TBCD: variants seen among roughly 807,000 people sequenced by gnomAD.
The protein encoded by TBCD is tubulin-specific chaperone D.
A neutral mutation model predicts 169.3 loss-of-function variants in TBCD; 105 were observed. The ratio of observed to expected loss-of-function variants is 0.62; its 90% CI spans 0.53 to 0.73. The LOEUF (loss-of-function observed/expected upper bound fraction) is 0.73, where lower values mean the gene tolerates loss of function less well. Ranked by LOEUF, TBCD falls within the 30% of genes least tolerant of loss-of-function variation. The pLI, the probability that TBCD is intolerant of heterozygous loss-of-function variation, is 0.00. For synonymous variants in TBCD, 700 were observed against 643.9 expected, an observed-to-expected ratio of 1.09 and a Z score of -1.32; for missense variants, 1,444 against 1,600.1, an observed-to-expected ratio of 0.90 and a Z score of 1.66.
At chr17:82,800,308 C>G (rs1403499410) in intron 8 of TBCD, among the ~76,000 whole-genome samples, 6 of 152,196 alleles carry the variant, frequency 3.9e-5, no homozygotes, top group Admixed American at 2.6e-4. Flanking sequence ...GTGCCCAGTG[C>G]TACCTTGAGC....
intron 5 of TBCD, 137 bp from the exon 6 acceptor site, chr17:82,772,315 G>A (rs1014924960): frequency 1.2e-6 from 1 of 844,100 alleles, no homozygotes; most frequent in Non-Finnish European, 2.0e-6. Context: ...TGCAGCTTTG[G>A]ACTTAGGCCT....
intron 13 of TBCD, among the ~76,000 whole-genome samples, chr17:82,824,248 C>A (rs911370129): frequency 6.6e-6 from 1 of 150,386 alleles, no homozygotes; most frequent in Non-Finnish European, 1.5e-5. Flanking sequence ...GTGGTGCGAT[C>A]TCGGCTCACT....
intron 13 of TBCD, among the ~76,000 whole-genome samples, chr17:82,817,146 T>G (rs1185687004): frequency 6.6e-6 from 1 of 152,210 alleles, no homozygotes; most frequent in Admixed American, 6.5e-5. Context: ...TTCTATTGAT[T>G]GATTGACAGA....
chr17:82,888,638 G>A (rs868534827), intron 15 of TBCD, among the ~76,000 whole-genome samples: 3 of 152,224 alleles, frequency 2.0e-5, no homozygotes, highest in Admixed American at 1.3e-4. Context: ...CCACCCGCAC[G>A]TCTGGTTTCT....
chr17:82,752,746 G>C (rs935554573), intron 1 of TBCD, among the ~76,000 whole-genome samples: 1 of 152,190 alleles, frequency 6.6e-6, no homozygotes, highest in Admixed American at 6.5e-5. Context: ...AGACCCCTCC[G>C]GACAGCTGGT....
At position 82,832,456 on chromosome 17, in the gene TBCD, T is replaced by G. The variant is rs1367877291; in HGVS notation, c.1318+17522T>G. ...CTTCCGCTCTTTGAGGAGACTCATTTTCCTCCTTATGCCTTGGACTCTGGC... is the reference window on the plus strand; with the variant it reads ...CTTCCGCTCTTTGAGGAGACTCATTGTCCTCCTTATGCCTTGGACTCTGGC... On this transcript the variant is annotated intron_variant, in intron 13 of 38. Coordinates refer to ENST00000355528, the MANE Select transcript of TBCD (RefSeq NM_005993.5). This position sits in a 1 kb window ranked among gnomAD's most constrained non-coding sequence, Gnocchi z 4.9. 2 of 1,608,508 alleles carry G rather than the reference T, an allele frequency of 1.2e-6. No individual in the cohort carries two copies. Among genetic ancestry groups the G allele is most frequent in the Non-Finnish European group, 1.7e-6 (2 of 1,179,756 alleles).
At chr17:82,760,858 T>C (rs1321158320) in intron 2 of TBCD, among the ~76,000 whole-genome samples, 1 of 152,244 alleles carries the variant, frequency 6.6e-6, no homozygotes, top group East Asian at 1.9e-4. Flanking sequence ...TTTTGTGTGA[T>C]GGAATCATGC....
At chr17:82,843,869 G>A (rs7219521) in intron 13 of TBCD, among the ~76,000 whole-genome samples, 63,635 of 151,990 alleles carry the variant, frequency 0.42, 13,575 homozygotes, top group East Asian at 0.54. Flanking sequence ...CACCCAGACC[G>A]TGGCAACTGC....
At chr17:82,866,349 G>T (rs1426174927) in intron 13 of TBCD, among the ~76,000 whole-genome samples, 1 of 152,178 alleles carries the variant, frequency 6.6e-6, no homozygotes, top group Middle Eastern at 3.2e-3. Flanking sequence ...GAGCCAAGAG[G>T]CTTGGTTTTT....
chr17:82,792,817 C>G (rs1218656156), intron 7 of TBCD, among the ~76,000 whole-genome samples: 1 of 151,682 alleles, frequency 6.6e-6, no homozygotes, highest in African/African-American at 2.4e-5. Context: ...TTTTTGGCGT[C>G]AGTGGCATGA....
chr17:82,829,267 GCACT>G (rs1402370220), intron 13 of TBCD, among the ~76,000 whole-genome samples: 1 of 145,924 alleles, frequency 6.9e-6, no homozygotes, highest in African/African-American at 2.6e-5. Context: ...ACACCTACAC[GCACT>G]CGCAGACATG....
Position 82,752,093 on chromosome 17 carries a change from G to A in TBCD, c.-101G>A, listed in dbSNP as rs1257189250. 13 of 1,278,956 alleles carry A rather than the reference G, an allele frequency of 1.0e-5. No individual in the cohort carries two copies. The highest frequency in any genetic ancestry group is 8.9e-5 in the South Asian group (5 of 56,408). 79.2% of individuals were successfully genotyped at this position (1,278,956 alleles called of 1,614,324 possible). A position where few individuals can be genotyped will look rare whatever the true frequency, so the allele number is the denominator to read the frequency against. ...AGCGTCGGTTGCCGCCTTAGCGGGC[G>A]CCTCCTTTTCATCCCTCATCCTTCA... is the stretch of plus-strand genomic sequence containing the variant. On this transcript the variant is annotated 5_prime_UTR_variant, in exon 1 of 39. Coordinates refer to ENST00000355528, the MANE Select transcript of TBCD (RefSeq NM_005993.5).
At position 82,835,579 on chromosome 17, in the gene TBCD, C is replaced by T. The variant is rs558232769; in HGVS notation, c.1318+20645C>T. ...CTGGGATTACAGGTGCCTACCACCA[C>T]GCCCAGCTAATTTTTTTGTAATTTT... On this transcript the variant is annotated intron_variant, in intron 13 of 38. Transcript: ENST00000355528. The surrounding 1 kb of genome is among the most constrained non-coding windows in gnomAD (Gnocchi z 4.5). Among the ~76,000 whole-genome samples, 14 of 151,972 alleles carry T rather than the reference C, an allele frequency of 9.2e-5. No individual in the cohort carries two copies. The highest frequency in any genetic ancestry group is 2.1e-4 in the South Asian group (1 of 4,810).
intron 21 of TBCD, chr17:82,908,133 G>A (rs751956390): frequency 1.2e-5 from 5 of 414,824 alleles, no homozygotes; most frequent in Admixed American, 3.6e-5. Flanking sequence ...TAGTGCAGTC[G>A]GTGGAGGTTT....
At chr17:82,924,524 A>C (rs1267800956) in intron 26 of TBCD, among the ~76,000 whole-genome samples, 4 of 152,238 alleles carry the variant, frequency 2.6e-5, no homozygotes, top group Admixed American at 2.6e-4. Flanking sequence ...GTTGGCCCAC[A>C]GTGTTCCTTT....
At chr17:82,882,264 C>G (rs999145711) in intron 14 of TBCD, among the ~76,000 whole-genome samples, 1 of 152,224 alleles carries the variant, frequency 6.6e-6, no homozygotes, top group African/African-American at 2.4e-5. Flanking sequence ...ACCTTCCCAC[C>G]TGTTTCTCCT....
At chr17:82,937,596 C>T (rs1413047243) in intron 35 of TBCD, 4 of 603,478 alleles carry the variant, frequency 6.6e-6, no homozygotes, top group Middle Eastern at 4.4e-4. Context: ...TGCCCTCGCG[C>T]TCTGCCCTGG....
At chr17:82,937,044 G>A (rs1450111469) in intron 34 of TBCD, among the ~76,000 whole-genome samples, 1 of 152,214 alleles carries the variant, frequency 6.6e-6, no homozygotes, top group African/African-American at 2.4e-5. Flanking sequence ...GAGAGCAAGA[G>A]ACAGCAGAGG....
chr17:82,935,463 G>A (rs1013344186), intron 34 of TBCD, among the ~76,000 whole-genome samples: 6 of 152,092 alleles, frequency 3.9e-5, no homozygotes, highest in East Asian at 3.9e-4. Flanking sequence ...CCTGTGCTGC[G>A]TTCCCAGTGC....
Sources: gnomAD v4.1 joint callset for allele counts (sites outside exome capture counted in the v4.1 genomes callset) on GRCh38, gnomAD v4.1.1 for gene constraint, Gnocchi (gnomAD v3.1) non-coding constraint, MANE v1.5 for transcripts, NCBI Gene and HGNC (gene_info 2026-07-23, HGNC 2026-07-21) for gene names.